Variants in PIK3R6 observed in about 807,000 individuals in gnomAD.
PIK3R6 encodes phosphoinositide 3-kinase regulatory subunit 6.
PIK3R6 carries 91 observed loss-of-function variants against 84.9 expected under a neutral mutation model. The observed-to-expected ratio is 1.07, with a 90% CI of 0.90 to 1.28. The LOEUF (loss-of-function observed/expected upper bound fraction) is 1.28, where lower values mean the gene tolerates loss of function less well. Among genes scored for constraint, PIK3R6 ranks in the 50% most tolerant of loss-of-function variants. The pLI is 0.00. For missense variants in PIK3R6, 996 were observed against 985.1 expected, an observed-to-expected ratio of 1.01 and a Z score of -0.15; for synonymous variants, 416 against 411.4, an observed-to-expected ratio of 1.01 and a Z score of -0.13.
intron 1 of PIK3R6, among the ~76,000 whole-genome samples, chr17:8,855,817 C>T (rs535885784): frequency 1.8e-4 from 27 of 152,286 alleles, no homozygotes; most frequent in Middle Eastern, 3.4e-3. Context: ...TGTATGATCC[C>T]GTAATCCCTA....
rs2088698900 is a variant in PIK3R6, at chr17:8,842,208, C to A, written c.14-2511G>T. ...AAACCTCTTTTCTTTATAAATTACC[C>A]AGCTGCAGGTATTCCTTTATATTAT... On this transcript the variant is annotated intron_variant, in intron 2 of 19. Transcript: ENST00000619866. The surrounding 1 kb of genome is among the most constrained non-coding windows in gnomAD (Gnocchi z 4.5). 6.6e-6 allele frequency among the ~76,000 whole-genome samples: 1 copy of A among 152,072 alleles called. No homozygotes were observed. Among genetic ancestry groups the A allele is most frequent in the Non-Finnish European group, 1.5e-5 (1 of 68,018 alleles).
chr17:8,832,958 C>G lies in PIK3R6; in HGVS notation c.733G>C (p.Glu245Gln), dbSNP rs1258687001. 1 of 1,612,624 alleles carries G rather than the reference C, an allele frequency of 6.2e-7. No individual in the cohort carries two copies. Among genetic ancestry groups the G allele is most frequent in the African/African-American group, 1.3e-5 (1 of 74,938 alleles). Reference protein sequence around the residue: ...QMASEASPSREGHVERLEEIY... With the variant: ...QMASEASPSRQGHVERLEEIY... ...TCCTCCAGCCTCTCTACGTGTCCCT[C>G]CCGGCTCGGGCTGGCCTCGCTGGCC... Residue 245 changes from glutamate (E) to glutamine (Q), a missense_variant, in exon 9 of 20, where the codon GAG becomes CAG. Coordinates refer to ENST00000619866, the MANE Select transcript of PIK3R6 (RefSeq NM_001010855.4).
At chr17:8,828,543 C>G in intron 11 of PIK3R6, 24 bp downstream of exon 11, 3 of 1,607,046 alleles carry the variant, frequency 1.9e-6, no homozygotes, top group East Asian at 4.5e-5. Flanking sequence ...GCGCCCACCC[C>G]CAGCCCCCAC....
At position 8,829,650 on chromosome 17, in the gene PIK3R6, A is replaced by G. The variant is rs554718777; in HGVS notation, c.889+56T>C. On this transcript the variant is annotated intron_variant, in intron 10 of 19. Coordinates refer to ENST00000619866, the MANE Select transcript of PIK3R6 (RefSeq NM_001010855.4). Reference sequence around the variant, plus strand: ...CACTGACACACACTCATGCACGCATACACACACAGACACAGACATATACCA... The same window carrying G: ...CACTGACACACACTCATGCACGCATGCACACACAGACACAGACATATACCA... The G allele has an allele frequency of 8.0e-6, 12 of 1,493,312 alleles. No homozygotes were observed. In the African/African-American group the frequency reaches 1.5e-4, roughly 19 times the overall value. The allele number at this position is 1,493,312 out of a possible 1,614,324, so 92.5% of individuals were successfully genotyped here.
rs1276579795 is a variant in PIK3R6, at chr17:8,803,458, G to C, written c.2109-29C>G. The stretch of plus-strand genomic sequence containing the variant: ...TGGGTGGAGAGAGACCAGCTCAGGT[G>C]ACCCATCTGAGGGATCAGATTGCCT... On this transcript the variant is annotated intron_variant, in intron 19 of 19. Transcript: ENST00000619866. The surrounding 1 kb of genome is among the most constrained non-coding windows in gnomAD (Gnocchi z 5.0). 6.4e-7 allele frequency: 1 copy of C among 1,574,456 alleles called. No individual in the cohort carries two copies. Among genetic ancestry groups the C allele is most frequent in the Non-Finnish European group, 8.6e-7 (1 of 1,161,960 alleles).
Position 8,827,059 on chromosome 17 carries a change from C to A in PIK3R6, c.1515+113G>T, listed in dbSNP as rs1222520812. On this transcript the variant is annotated intron_variant, in intron 13 of 19. Transcript: ENST00000619866. ...CAAGTGCAGCAGCAAAAAGATGGCC[C>A]CCTCTCACCCCCATTTCACCCTCGC... 4.8e-6 allele frequency: 6 copies of A among 1,251,710 alleles called. 1 individual carries two copies. The South Asian group carries it at 9.1e-5, about 19-fold the overall frequency. 77.5% of individuals were successfully genotyped at this position (1,251,710 alleles called of 1,614,324 possible). A position where few individuals can be genotyped will look rare whatever the true frequency, so the allele number is the denominator to read the frequency against.
intron 8 of PIK3R6, among the ~76,000 whole-genome samples, chr17:8,834,921 T>G (rs894885752): frequency 3.9e-5 from 6 of 152,128 alleles, no homozygotes. Flanking sequence ...CACTGCAACC[T>G]CCACTTTCCG....
intron 1 of PIK3R6, among the ~76,000 whole-genome samples, chr17:8,864,849 C>CA (rs1193217675): frequency 1.3e-5 from 2 of 152,102 alleles, no homozygotes; most frequent in African/African-American, 4.8e-5. Flanking sequence ...TTCACAGTTC[C>CA]TGGCAGAGGG....
Position 8,821,955 on chromosome 17 carries a change from G to A in PIK3R6, c.1789-19C>T, listed in dbSNP as rs9912809. On this transcript the variant is annotated intron_variant, in intron 16 of 19. Coordinates refer to ENST00000619866, the MANE Select transcript of PIK3R6 (RefSeq NM_001010855.4). ...GCAAGGCCTGAGGAGGGGGATCGAG[G>A]AACAGGTGGAGGTGCTCAGGACATA... 10,015 of 1,550,222 alleles carry A rather than the reference G, an allele frequency of 6.5e-3. 119 individuals carry two copies. The highest frequency in any genetic ancestry group is 0.042 in the African/African-American group (3,055 of 73,432).
chr17:8,851,398 G>A (rs146274548), intron 1 of PIK3R6, among the ~76,000 whole-genome samples: 1,827 of 145,062 alleles, frequency 0.013, 34 homozygotes, highest in African/African-American at 0.045. Flanking sequence ...TGGGAGGCTG[G>A]GGCAGGAGAA....
chr17:8,819,312 T>C (rs1224397374), intron 17 of PIK3R6, 114 bp from the exon 18 acceptor site: 1 of 662,498 alleles, frequency 1.5e-6, no homozygotes, highest in African/African-American at 1.8e-5. Flanking sequence ...CTGTCACTCC[T>C]CCTTGGGCCC....
In PIK3R6 at chr17:8,836,400, C is replaced by T; in HGVS notation, c.461+147G>A. 2.5e-6 allele frequency: 2 copies of T among 799,914 alleles called. 1 individual carries two copies. The highest frequency in any genetic ancestry group is 3.3e-5 in the South Asian group (2 of 60,190). The allele number at this position is 799,914 out of a possible 1,614,324, so 49.6% of individuals were successfully genotyped here. On this transcript the variant is annotated intron_variant, in intron 7 of 19. Transcript: ENST00000619866. ...CCAACCTTGAATGGCAAACGCACCC[C>T]ACTGCTGGACAAATATCATGGCTGG...
In PIK3R6 at chr17:8,819,689, TACACAC is replaced by T. The variant is rs59882941; in HGVS notation, c.1880-497_1880-492del. 7.6e-3 allele frequency among the ~76,000 whole-genome samples: 1,035 copies of T among 135,862 alleles called. 15 individuals are homozygous for T. The highest frequency in any genetic ancestry group is 0.028 in the African/African-American group (988 of 34,702). The allele number at this position is 135,862 out of a possible 152,430, so 89.1% of individuals were successfully genotyped here. On this transcript the variant is annotated intron_variant, in intron 17 of 19. Coordinates refer to ENST00000619866, the MANE Select transcript of PIK3R6 (RefSeq NM_001010855.4). ...TTTTGTGCATATATATATATATATA[TACACAC>T]ACACACACACACATATATATACATA...
rs1410421020 is a variant in PIK3R6 at position 8,862,390 on chromosome 17, C to G, written c.-92+5139G>C. Among the ~76,000 whole-genome samples, 1 of 152,162 alleles carries G rather than the reference C, an allele frequency of 6.6e-6. No homozygotes were observed. Among genetic ancestry groups the G allele is most frequent in the East Asian group, 1.9e-4 (1 of 5,198 alleles). On this transcript the variant is annotated intron_variant, in intron 1 of 19. Coordinates refer to ENST00000619866, the MANE Select transcript of PIK3R6 (RefSeq NM_001010855.4). The surrounding 1 kb of genome is among the most constrained non-coding windows in gnomAD (Gnocchi z 4.3). The stretch of plus-strand genomic sequence containing the variant: ...CCAAAGCTACTCTTGGGCTGGATGA[C>G]AGAAACAAGTTTGTTGGGCATGGTT...
chr17:8,829,192 T>G lies in PIK3R6; in HGVS notation c.890-202A>C, dbSNP rs72848130. 7.0e-3 allele frequency among the ~76,000 whole-genome samples: 1,023 copies of G among 146,436 alleles called. 8 individuals carry two copies. Among genetic ancestry groups the G allele is most frequent in the African/African-American group, 0.025 (943 of 37,724 alleles). Reference sequence around the variant, plus strand: ...ACACATGTACAGACACAGACAGACATACACACACGTGCACACACACAGACA... The same window carrying G: ...ACACATGTACAGACACAGACAGACAGACACACACGTGCACACACACAGACA... On this transcript the variant is annotated intron_variant, in intron 10 of 19. Transcript: ENST00000619866.
chr17:8,819,766 G>C (rs982258030), intron 17 of PIK3R6, among the ~76,000 whole-genome samples: 20 of 135,430 alleles, frequency 1.5e-4, no homozygotes, highest in African/African-American at 5.3e-4. Flanking sequence ...ACGTATATAT[G>C]TATATATACG....
intron 14 of PIK3R6, 128 bp from the exon 15 acceptor site, chr17:8,823,214 T>C (rs1322043545): frequency 2.4e-6 from 2 of 841,100 alleles, no homozygotes; most frequent in Non-Finnish European, 3.9e-6. Context: ...GGATTTGAGG[T>C]CTTGAAGTTA....
intron 11 of PIK3R6, 87 bp downstream of exon 11, chr17:8,828,480 C>G: frequency 1.3e-6 from 2 of 1,494,228 alleles, no homozygotes; most frequent in South Asian, 1.2e-5. Flanking sequence ...CCCTCTCTTG[C>G]CACCCTGTGA....
At chr17:8,831,145 CAAAAAAA>C (rs35954175) in intron 9 of PIK3R6, among the ~76,000 whole-genome samples, 3 of 42,010 alleles carry the variant, frequency 7.1e-5, no homozygotes, top group African/African-American at 1.1e-4. Flanking sequence ...GATTGTGTCT[CAAAAAAA>C]AAAAAAAAAA....
Sources: gnomAD v4.1 joint callset for allele counts (sites outside exome capture counted in the v4.1 genomes callset) on GRCh38, gnomAD v4.1.1 for gene constraint, Gnocchi (gnomAD v3.1) non-coding constraint, MANE v1.5 for transcripts, NCBI Gene and HGNC (gene_info 2026-07-23, HGNC 2026-07-21) for gene names.